The following MYO16 variants were observed in gnomAD, a reference collection of about 807,000 sequenced individuals.
MYO16 encodes the protein myosin XVI.
A neutral mutation model predicts 205.3 loss-of-function variants in MYO16; 94 were observed. That is an observed-to-expected ratio of 0.46 (90% confidence interval 0.39 to 0.54). The LOEUF (loss-of-function observed/expected upper bound fraction) is 0.54, where lower values mean the gene tolerates loss of function less well. Among genes scored for constraint, MYO16 ranks in the 20% least tolerant of loss-of-function variants. MYO16 has a pLI of 0.00. For missense variants in MYO16, 2,315 were observed against 2,387.5 expected, an observed-to-expected ratio of 0.97 and a Z score of 0.63; for synonymous variants, 988 against 954.0, an observed-to-expected ratio of 1.04 and a Z score of -0.66.
rs78604528 is a variant in MYO16, at chr13:108,874,860, G to A, written c.1426-8199G>A. Among the ~76,000 whole-genome samples, 34 of 152,206 alleles carry A rather than the reference G, an allele frequency of 2.2e-4. No individual in the cohort carries two copies. The East Asian group carries it at 2.7e-3, about 12-fold the overall frequency. Reference sequence around the variant, plus strand: ...GAGTGAGATGTTCATAGCATAGTGCGAAACCAGCAGCCCAGGGCACTTGGA... The same window carrying A: ...GAGTGAGATGTTCATAGCATAGTGCAAAACCAGCAGCCCAGGGCACTTGGA... On this transcript the variant is annotated intron_variant, in intron 12 of 34. Transcript: ENST00000457511.
chr13:108,562,400 G>C, the MYO16 span, among the ~76,000 whole-genome samples: 1 of 152,124 alleles, frequency 6.6e-6, no homozygotes, highest in Non-Finnish European at 1.5e-5. Context: ...CAGAATCCCA[G>C]CTGTCAGAGA....
At position 108,778,870 on chromosome 13, in the gene MYO16, T is replaced by C. The variant is rs377616607; in HGVS notation, c.508-6765T>C. Among the ~76,000 whole-genome samples, 18 of 152,330 alleles carry C rather than the reference T, an allele frequency of 1.2e-4. No individual in the cohort carries two copies. In the East Asian group the frequency reaches 3.5e-3, roughly 29 times the overall value. ...GCATAGAACCTCTCTGGTTCTCCTA[T>C]TATGACTTGAGCTTATGGTTAAAGG... On this transcript the variant is annotated intron_variant, in intron 4 of 34. Transcript: ENST00000457511.
chr13:108,905,950 G>C (rs372224118), intron 15 of MYO16, among the ~76,000 whole-genome samples: 4 of 152,080 alleles, frequency 2.6e-5, no homozygotes, highest in East Asian at 1.9e-4. Flanking sequence ...ATTTCCCTCT[G>C]TAGTCCTTAC....
chr13:108,564,745 G>T, the MYO16 span, among the ~76,000 whole-genome samples: 2 of 152,152 alleles, frequency 1.3e-5, no homozygotes, highest in African/African-American at 2.4e-5. Context: ...GTCCTAGAGA[G>T]TTTCCCCAGT....
the MYO16 span, among the ~76,000 whole-genome samples, chr13:108,532,263 G>A: frequency 5.3e-4 from 80 of 151,768 alleles, no homozygotes; most frequent in African/African-American, 1.8e-3. Context: ...AGCAGAAGAA[G>A]CAACTACTTC....
intron 23 of MYO16, among the ~76,000 whole-genome samples, chr13:109,022,885 TATA>T (rs967856158): frequency 4.4e-5 from 6 of 136,520 alleles, no homozygotes; most frequent in African/African-American, 1.6e-4. Flanking sequence ...ATATATTTAT[TATA>T]TATACACATG....
At chr13:109,098,117 T>A (rs1888837736) in intron 27 of MYO16, among the ~76,000 whole-genome samples, 1 of 49,956 alleles carries the variant, frequency 2.0e-5, no homozygotes. Flanking sequence ...CAGTATTCAG[T>A]GGAAGCTCGC....
intron 11 of MYO16, among the ~76,000 whole-genome samples, chr13:108,858,666 C>T (rs1353473407): frequency 6.6e-6 from 1 of 152,180 alleles, no homozygotes; most frequent in Non-Finnish European, 1.5e-5. Context: ...AAATAAGTGT[C>T]TGGGCTTCTC....
intron 34 of MYO16, among the ~76,000 whole-genome samples, chr13:109,199,402 G>T (rs1393564883): frequency 6.6e-6 from 1 of 151,672 alleles, no homozygotes; most frequent in Non-Finnish European, 1.5e-5. Context: ...GTTTGCAGAT[G>T]TGGAGTCCTT....
At chr13:108,778,249 G>A (rs1886186431) in intron 4 of MYO16, among the ~76,000 whole-genome samples, 1 of 152,136 alleles carries the variant, frequency 6.6e-6, no homozygotes, top group Admixed American at 6.5e-5. Context: ...TGAACAATGG[G>A]ACATCTCCTC....
the MYO16 span, among the ~76,000 whole-genome samples, chr13:108,552,911 C>A: frequency 6.6e-6 from 1 of 151,592 alleles, no homozygotes; most frequent in Non-Finnish European, 1.5e-5. Context: ...ACTGAACTTG[C>A]CCCTTTTAGA....
chr13:108,629,551 T>A (rs185316812), upstream of MYO16: 115 of 342,880 alleles, frequency 3.4e-4, no homozygotes, highest in East Asian at 3.5e-3. Context: ...TAGAGCTGAC[T>A]ATTCCCGGGA....
chr13:109,136,536 C>T (rs1304744892), intron 31 of MYO16, among the ~76,000 whole-genome samples: 1 of 152,192 alleles, frequency 6.6e-6, no homozygotes, highest in Admixed American at 6.5e-5. Context: ...TCATGATTTA[C>T]TCTAGGCAGC....
chr13:109,084,457 G>A (rs976011295), intron 27 of MYO16, among the ~76,000 whole-genome samples: 1 of 152,092 alleles, frequency 6.6e-6, no homozygotes, highest in Non-Finnish European at 1.5e-5. Context: ...AATAAGAAAT[G>A]AATGGCTATG....
the MYO16 span, among the ~76,000 whole-genome samples, chr13:108,590,399 T>C: frequency 6.6e-6 from 1 of 152,232 alleles, no homozygotes; most frequent in South Asian, 2.1e-4. Context: ...CCTCTGGTGA[T>C]TCTAAAGAAT....
intron 12 of MYO16, among the ~76,000 whole-genome samples, chr13:108,880,811 T>C (rs544843906): frequency 3.9e-5 from 6 of 152,236 alleles, no homozygotes; most frequent in Non-Finnish European, 7.3e-5. Flanking sequence ...CCTCCCGCTT[T>C]GTTCTTTTGG....
intron 28 of MYO16, among the ~76,000 whole-genome samples, chr13:109,118,628 C>T (rs1451690841): frequency 2.0e-5 from 3 of 152,090 alleles, no homozygotes; most frequent in African/African-American, 7.2e-5. Flanking sequence ...GTTAGTCTCC[C>T]ACAATGAGTT....
At chr13:108,829,278 G>C (rs1332970688) in intron 9 of MYO16, among the ~76,000 whole-genome samples, 3 of 152,138 alleles carry the variant, frequency 2.0e-5, no homozygotes, top group Admixed American at 6.6e-5. Flanking sequence ...AGAGCATTTA[G>C]AGCAATATCT....
Position 108,957,397 on chromosome 13 carries a change from A to C in MYO16, c.1926-291A>C, listed in dbSNP as rs536436214. The stretch of plus-strand genomic sequence containing the variant: ...AAACTCCATCTCAAAAAAAAAAAAA[A>C]AAAACAAAAACATGAATCACTTGTG... On this transcript the variant is annotated intron_variant, in intron 16 of 34. Transcript: ENST00000457511. Among the ~76,000 whole-genome samples the C allele has an allele frequency of 5.9e-3, 884 of 150,430 alleles. 13 individuals carry two copies. Among genetic ancestry groups the C allele is most frequent in the African/African-American group, 0.02 (839 of 41,184 alleles).
Sources: gnomAD v4.1 joint callset for allele counts (sites outside exome capture counted in the v4.1 genomes callset) on GRCh38, gnomAD v4.1.1 for gene constraint, MANE v1.5 for transcripts, NCBI Gene and HGNC (gene_info 2026-07-23, HGNC 2026-07-21) for gene names.